Variants in TET1 observed in about 807,000 individuals in gnomAD.
TET1 encodes the protein tet methylcytosine dioxygenase 1.
In TET1, 13 loss-of-function variants were observed where a neutral mutation model predicts 148.7. The observed-to-expected ratio is 0.09, with a 90% CI of 0.06 to 0.14. The LOEUF is 0.14. Ranked by LOEUF, TET1 falls within the 10% of genes least tolerant of loss-of-function variation. TET1 has a pLI of 1.00. For missense variants in TET1, 2,182 were observed against 2,553.8 expected (o/e 0.85, Z 3.14); for synonymous variants, 907 against 937.2 (o/e 0.97, Z 0.59).
intron 3 of TET1, chr10:68,632,371 A>T: frequency 6.3e-7 from 1 of 1,599,206 alleles, no homozygotes. Context: ...AGTAGTCCTC[A>T]TGGCCTCCAC....
rs1205185024 is a variant in TET1, at chr10:68,573,507, G to A, written c.1169G>A (p.Gly390Asp). Reference sequence around the variant, plus strand: ...GACCCAGTTCATGGTGAGGCCCTGGGTGAGACCCCAGATCTACCAGAGATT... The same window carrying A: ...GACCCAGTTCATGGTGAGGCCCTGGATGAGACCCCAGATCTACCAGAGATT... ...GADPVHGEAL[G>D]ETPDLPEIPG... is the part of the protein sequence containing the mutation. The change falls in exon 2 of 12, where the codon GGT (glycine) becomes GAT (aspartate). Residue 390 changes from glycine (G) to aspartate (D), a missense_variant. Gly to Asp is a moderately conservative substitution (Grantham distance 94, BLOSUM62 -1). Around this residue, in one of 11 missense-constraint regions of TET1, gnomAD observed 665 missense variants for 672.4 expected, o/e 0.99. Coordinates refer to ENST00000373644, the MANE Select transcript of TET1 (RefSeq NM_030625.3). The A allele has an allele frequency of 6.2e-7, 1 of 1,614,038 alleles. No homozygotes were observed. The highest frequency in any genetic ancestry group is 8.5e-7 in the Non-Finnish European group (1 of 1,180,020).
intron 10 of TET1, among the ~76,000 whole-genome samples, chr10:68,685,878 G>A (rs981576698): frequency 4.6e-5 from 7 of 152,106 alleles, no homozygotes; most frequent in South Asian, 2.1e-4. Context: ...AACTGTTAGC[G>A]TATAAGTCTT....
Position 68,572,286 on chromosome 10 carries a change from A to C in TET1, c.-53A>C, listed in dbSNP as rs1229067729. On this transcript the variant is annotated 5_prime_UTR_variant, in exon 2 of 12. Transcript: ENST00000373644. ...TCTCCTCAGAAGTGAGACTTTCCAAAGGACCAATGACTCTGTTTCCTGCGC... is the reference window on the plus strand; with the variant it reads ...TCTCCTCAGAAGTGAGACTTTCCAACGGACCAATGACTCTGTTTCCTGCGC... 1 of 1,464,206 alleles carries C rather than the reference A, an allele frequency of 6.8e-7. No homozygotes were observed. The highest frequency in any genetic ancestry group is 1.4e-5 in the African/African-American group (1 of 70,524). The allele number at this position is 1,464,206 out of a possible 1,614,324, so 90.7% of individuals were successfully genotyped here.
intron 2 of TET1, among the ~76,000 whole-genome samples, chr10:68,580,700 T>G (rs1326040147): frequency 6.8e-6 from 1 of 147,098 alleles, no homozygotes; most frequent in African/African-American, 2.5e-5. Context: ...GAGAATGGCG[T>G]GAACCCAGGA....
chr10:68,681,715 C>T (rs1340287784), intron 9 of TET1, among the ~76,000 whole-genome samples: 1 of 152,030 alleles, frequency 6.6e-6, no homozygotes, highest in Non-Finnish European at 1.5e-5. Context: ...GCCTGTAATC[C>T]CAGAACTTTG....
chr10:68,667,004 C>T (rs756228486), intron 6 of TET1, 41 bp from the exon 7 acceptor site: 3 of 1,551,670 alleles, frequency 1.9e-6, no homozygotes, highest in South Asian at 2.3e-5. Context: ...TCAAATTTGG[C>T]ATACTTGTCT....
At chr10:68,676,798 A>G (rs566848316) in intron 8 of TET1, among the ~76,000 whole-genome samples, 1 of 152,180 alleles carries the variant, frequency 6.6e-6, no homozygotes, top group Non-Finnish European at 1.5e-5. Context: ...CACAATTCTT[A>G]CTGAAACATT....
chr10:68,610,319 T>C (rs2054188717), intron 3 of TET1, among the ~76,000 whole-genome samples: 1 of 149,890 alleles, frequency 6.7e-6, no homozygotes, highest in African/African-American at 2.5e-5. Flanking sequence ...GCATGGTGAC[T>C]TATGCCTGTA....
At chr10:68,629,476 A>C (rs1043476653) in intron 3 of TET1, among the ~76,000 whole-genome samples, 13 of 149,932 alleles carry the variant, frequency 8.7e-5, no homozygotes, top group Non-Finnish European at 1.8e-4. Flanking sequence ...TTAGCTTGTA[A>C]GTATTTTTGA....
intron 2 of TET1, among the ~76,000 whole-genome samples, chr10:68,575,702 CAAATAAAT>C (rs34948432): frequency 0.014 from 1,994 of 140,708 alleles, 24 homozygotes; most frequent in Non-Finnish European, 0.02. Context: ...AACTCCATCT[CAAATAAAT>C]AAATAAATAA....
At chr10:68,630,564 C>T (rs999591329) in intron 3 of TET1, among the ~76,000 whole-genome samples, 2 of 152,150 alleles carry the variant, frequency 1.3e-5, no homozygotes, top group Non-Finnish European at 2.9e-5. Flanking sequence ...GTCTGTTTGC[C>T]TCGGCCTCCC....
intron 6 of TET1, among the ~76,000 whole-genome samples, chr10:68,662,052 T>C (rs1258337591): frequency 6.6e-6 from 1 of 152,006 alleles, no homozygotes; most frequent in Non-Finnish European, 1.5e-5. Context: ...CTTTTGTATT[T>C]TTAATAGAGA....
chr10:68,692,450 A>T lies in TET1; in HGVS notation c.*636A>T, dbSNP rs916419023. On this transcript the variant is annotated 3_prime_UTR_variant, in exon 12 of 12. Coordinates refer to ENST00000373644, the MANE Select transcript of TET1 (RefSeq NM_030625.3). ...TATTTTAAAAGCACTTTCTATTTTTAAAAGTAACTTGAAATAATATAGTAT... is the reference window on the plus strand; with the variant it reads ...TATTTTAAAAGCACTTTCTATTTTTTAAAGTAACTTGAAATAATATAGTAT... 1.3e-5 allele frequency: 3 copies of T among 232,058 alleles called. No homozygotes were observed. The highest frequency in any genetic ancestry group is 4.4e-5 in the African/African-American group (2 of 45,300). 14.4% of individuals were successfully genotyped at this position (232,058 alleles called of 1,614,324 possible).
At chr10:68,618,667 C>G (rs1272740612) in intron 3 of TET1, among the ~76,000 whole-genome samples, 1 of 152,118 alleles carries the variant, frequency 6.6e-6, no homozygotes, top group Non-Finnish European at 1.5e-5. Context: ...CAAAAATTAC[C>G]TCTGAGTGAA....
At chr10:68,591,794 T>C (rs1222007618) in intron 2 of TET1, among the ~76,000 whole-genome samples, 1 of 151,972 alleles carries the variant, frequency 6.6e-6, no homozygotes, top group Non-Finnish European at 1.5e-5. Flanking sequence ...TCCCAGCTAC[T>C]GGCTGGAGGC....
chr10:68,645,849 A>G lies in TET1; in HGVS notation c.3120A>G (p.Pro1040=). 4 of 1,614,182 alleles carry G rather than the reference A, an allele frequency of 2.5e-6. No individual in the cohort carries two copies. The highest frequency in any genetic ancestry group is 3.4e-6 in the Non-Finnish European group (4 of 1,180,020). Residue 1040 remains proline (P), a synonymous_variant, in exon 4 of 12, where the codon CCA becomes CCG. Transcript: ENST00000373644. The stretch of plus-strand genomic sequence containing the variant: ...CCAATGATTTGCATCAGTTGCCACC[A>G]AGAAATAATGAAGTGGAGTATTGCA... The part of the protein sequence containing the change: ...NCSNDLHQLP[P]RNNEVEYCNQ...
intron 6 of TET1, among the ~76,000 whole-genome samples, chr10:68,653,749 A>G (rs1176103132): frequency 2.0e-5 from 3 of 152,178 alleles, no homozygotes; most frequent in African/African-American, 7.2e-5. Flanking sequence ...TTGCTTTAGT[A>G]ACGATGGTCT....
Position 68,572,325 on chromosome 10 carries a change from C to T in TET1, c.-14C>T, listed in dbSNP as rs1178633053. 6.4e-7 allele frequency: 1 copy of T among 1,571,570 alleles called. No individual in the cohort carries two copies. The highest frequency in any genetic ancestry group is 8.6e-7 in the Non-Finnish European group (1 of 1,165,340). ...TGTTTCCTGCGCCCTTTCATTTTTT[C>T]CTACTCTGTAGCTATGTCTCGATCC... On this transcript the variant is annotated 5_prime_UTR_variant, in exon 2 of 12. Coordinates refer to ENST00000373644, the MANE Select transcript of TET1 (RefSeq NM_030625.3).
At chr10:68,670,823 C>T (rs1320906944) in intron 7 of TET1, among the ~76,000 whole-genome samples, 2 of 151,990 alleles carry the variant, frequency 1.3e-5, no homozygotes, top group Non-Finnish European at 2.9e-5. Flanking sequence ...AGGCATTTTC[C>T]AGGCTTTCAC....
Sources: gnomAD v4.1 joint callset for allele counts (sites outside exome capture counted in the v4.1 genomes callset) on GRCh38, gnomAD v4.1.1 for gene constraint, gnomAD v4.1.1 regional missense constraint, MANE v1.5 for transcripts, NCBI Gene and HGNC (gene_info 2026-07-23, HGNC 2026-07-21) for gene names.